Variants in FAF1 observed in about 807,000 individuals in gnomAD.
FAF1 encodes FAS-associated factor 1.
Under a neutral mutation model 92.5 loss-of-function variants are expected in FAF1, and 25 were observed. The ratio of observed to expected loss-of-function variants is 0.27; its 90% confidence interval spans 0.20 to 0.38. The LOEUF (loss-of-function observed/expected upper bound fraction) is 0.38, where lower values mean the gene tolerates loss of function less well. Ranked by LOEUF, FAF1 falls within the 10% of genes least tolerant of loss-of-function variation. The pLI, the probability that FAF1 is intolerant of heterozygous loss-of-function variation, is 1.00. For synonymous variants in FAF1, 234 were observed against 273.2 expected (o/e 0.86, Z 1.42); for missense variants, 636 against 793.3 (o/e 0.80, Z 2.38).
At chr1:50,811,630 C>A (rs1026849969) in intron 2 of FAF1, among the ~76,000 whole-genome samples, 9 of 152,228 alleles carry the variant, frequency 5.9e-5, no homozygotes, top group African/African-American at 2.2e-4. Flanking sequence ...AATGGCCACA[C>A]TGCCTAAAGC....
chr1:50,533,116 A>G (rs1648268357), intron 15 of FAF1, among the ~76,000 whole-genome samples: 1 of 151,778 alleles, frequency 6.6e-6, no homozygotes. Flanking sequence ...GTGCTGGGCT[A>G]TACTTGTTAC....
intron 5 of FAF1, 70 bp downstream of exon 5, chr1:50,744,614 A>C: frequency 1.8e-6 from 2 of 1,082,364 alleles, no homozygotes; most frequent in Non-Finnish European, 2.8e-6. Flanking sequence ...ATTAAAACCA[A>C]TTTTTACATA....
At position 50,599,852 on chromosome 1, in the gene FAF1, T is replaced by C. The variant is rs191763100; in HGVS notation, c.745-3636A>G. ...GACAAGTATCCCTTATTTAAAATGCTTGGGACCAGAGGTGTTTCAGACTTA... is the reference window on the plus strand; with the variant it reads ...GACAAGTATCCCTTATTTAAAATGCCTGGGACCAGAGGTGTTTCAGACTTA... On this transcript the variant is annotated intron_variant, in intron 8 of 18. Coordinates refer to ENST00000396153, the MANE Select transcript of FAF1 (RefSeq NM_007051.3). Among the ~76,000 whole-genome samples the C allele has an allele frequency of 7.1e-3, 1,087 of 152,336 alleles. 3 individuals carry two copies. The highest frequency in any genetic ancestry group is 0.02 in the Middle Eastern group (6 of 294).
intron 6 of FAF1, among the ~76,000 whole-genome samples, chr1:50,709,033 C>A (rs781386017): frequency 6.6e-6 from 1 of 152,072 alleles, no homozygotes; most frequent in Non-Finnish European, 1.5e-5. Flanking sequence ...ACAGAAATGG[C>A]GAGTAATGGA....
At chr1:50,681,582 A>T (rs1001015340) in intron 7 of FAF1, among the ~76,000 whole-genome samples, 1 of 151,790 alleles carries the variant, frequency 6.6e-6, no homozygotes, top group African/African-American at 2.4e-5. Flanking sequence ...ATCTCGTCTC[A>T]CTGAAACCTC....
intron 8 of FAF1, among the ~76,000 whole-genome samples, chr1:50,621,879 C>T (rs1653228904): frequency 2.0e-5 from 3 of 152,092 alleles, no homozygotes; most frequent in African/African-American, 7.2e-5. Context: ...AAAGATTCCC[C>T]TGCTGGCCAG....
intron 1 of FAF1, among the ~76,000 whole-genome samples, chr1:50,923,111 A>G (rs72904767): frequency 2.6e-3 from 392 of 152,324 alleles, no homozygotes; most frequent in African/African-American, 9.0e-3. Flanking sequence ...GAGCAACAAG[A>G]TTGAATCAGT....
intron 3 of FAF1, among the ~76,000 whole-genome samples, chr1:50,799,221 TC>T (rs1173236625): frequency 6.6e-6 from 1 of 152,210 alleles, no homozygotes; most frequent in Non-Finnish European, 1.5e-5. Context: ...AATCTAGACT[TC>T]ACTACCTGCT....
intron 2 of FAF1, among the ~76,000 whole-genome samples, chr1:50,829,837 G>T (rs551838219): frequency 1.1e-4 from 16 of 152,322 alleles, no homozygotes; most frequent in Admixed American, 2.0e-4. Flanking sequence ...AACTGCTTTT[G>T]CAAGTGAGAA....
intron 8 of FAF1, among the ~76,000 whole-genome samples, chr1:50,624,658 A>C (rs1319375413): frequency 6.6e-6 from 1 of 152,214 alleles, no homozygotes; most frequent in Non-Finnish European, 1.5e-5. Flanking sequence ...AAAAATAGAT[A>C]ATTGATTTTA....
Position 50,441,520 on chromosome 1 carries a change from T to C in FAF1, c.1873A>G (p.Thr625Ala). ...LLSTFPRRDV[T>A]QLDPNKSLLE... ...AATGATTTATTTGGGTCCAGTTGAG[T>C]TACCTAAAAAGATGAAGAACACATA... The change falls in exon 19 of 19, where the codon ACT becomes GCT. Residue 625 changes from threonine (T) to alanine (A), a missense_variant. Coordinates refer to ENST00000396153, the MANE Select transcript of FAF1 (RefSeq NM_007051.3). 6.5e-7 allele frequency: 1 copy of C among 1,534,674 alleles called. No homozygotes were observed. The highest frequency in any genetic ancestry group is 8.8e-7 in the Non-Finnish European group (1 of 1,133,800).
chr1:50,691,405 C>T (rs1429309340), intron 7 of FAF1, among the ~76,000 whole-genome samples: 1 of 151,806 alleles, frequency 6.6e-6, no homozygotes, highest in East Asian at 1.9e-4. Context: ...ACAATGTCCA[C>T]TTCACTTTTG....
rs1646155500 is a variant in FAF1, at chr1:50,440,311, T to G, written c.*1129A>C. On this transcript the variant is annotated 3_prime_UTR_variant, in exon 19 of 19. Transcript: ENST00000396153. ...CACACTTACTAAATCAAATCAAAAA[T>G]TATTATATGCAGGTTTCAGGCAACA... is the stretch of plus-strand genomic sequence containing the variant. 6.6e-6 allele frequency: 1 copy of G among 152,164 alleles called. No homozygotes were observed. The highest frequency in any genetic ancestry group is 1.5e-5 in the Non-Finnish European group (1 of 68,028). 9.4% of individuals were successfully genotyped at this position (152,164 alleles called of 1,614,324 possible).
chr1:50,787,673 A>T (rs1053870592), intron 4 of FAF1, among the ~76,000 whole-genome samples: 2 of 152,168 alleles, frequency 1.3e-5, no homozygotes, highest in Non-Finnish European at 2.9e-5. Context: ...ATGAAAAATG[A>T]GTAAGTCTCA....
rs1557550217 is a variant in FAF1 at position 50,834,125 on chromosome 1, G to T, written c.114+23804C>A. 2.0e-5 allele frequency among the ~76,000 whole-genome samples: 3 copies of T among 152,176 alleles called. No homozygotes were observed. The South Asian group carries it at 6.2e-4, about 31-fold the overall frequency. On this transcript the variant is annotated intron_variant, in intron 2 of 18. Coordinates refer to ENST00000396153, the MANE Select transcript of FAF1 (RefSeq NM_007051.3). ...TCAGGAGATCTGGTTGTTTAAAAGGGTGTAGCACCCCCGCTTCGCCCTCTT... is the reference window on the plus strand; with the variant it reads ...TCAGGAGATCTGGTTGTTTAAAAGGTTGTAGCACCCCCGCTTCGCCCTCTT...
At chr1:50,797,338 TC>T (rs1300158011) in intron 3 of FAF1, among the ~76,000 whole-genome samples, 1 of 152,190 alleles carries the variant, frequency 6.6e-6, no homozygotes, top group Admixed American at 6.5e-5. Context: ...GCTATTCTTT[TC>T]TATTTAATCA....
At chr1:50,479,509 T>C (rs1646676178) in intron 17 of FAF1, among the ~76,000 whole-genome samples, 1 of 152,212 alleles carries the variant, frequency 6.6e-6, no homozygotes, top group African/African-American at 2.4e-5. Context: ...ATGACAGCTG[T>C]TGGTGTTATC....
At chr1:50,559,714 ATGTAATCATGGAACAGGAG>A (rs1649779086) in intron 13 of FAF1, among the ~76,000 whole-genome samples, 1 of 152,204 alleles carries the variant, frequency 6.6e-6, no homozygotes, top group Non-Finnish European at 1.5e-5. Context: ...AGTGGGTAGG[ATGTAATCATGGAACAGGAG>A]GGGTTCCTCC....
intron 1 of FAF1, among the ~76,000 whole-genome samples, chr1:50,948,255 G>C (rs1645185903): frequency 6.6e-6 from 1 of 152,174 alleles, no homozygotes; most frequent in African/African-American, 2.4e-5. Context: ...AATATACTCT[G>C]TTAGTCCATT....
Sources: allele counts gnomAD v4.1 joint callset (sites outside exome capture counted in the v4.1 genomes callset), GRCh38; gene constraint gnomAD v4.1.1; transcripts MANE v1.5; gene names NCBI Gene and HGNC (gene_info 2026-07-23, HGNC 2026-07-21).